KPNA6: variants seen among roughly 807,000 people sequenced by gnomAD.
The protein encoded by KPNA6 is importin subunit alpha-7.
In KPNA6, 9 loss-of-function variants were observed where a neutral mutation model predicts 72.0. The ratio of observed to expected loss-of-function variants is 0.13; its 90% CI spans 0.08 to 0.22. The LOEUF (loss-of-function observed/expected upper bound fraction) is 0.22, where lower values mean the gene tolerates loss of function less well. KPNA6 is among the 10% of genes least tolerant of loss of function. The pLI is 1.00. For missense variants in KPNA6, 374 were observed against 655.7 expected, an observed-to-expected ratio of 0.57 and a Z score of 4.69; for synonymous variants, 219 against 242.1, an observed-to-expected ratio of 0.90 and a Z score of 0.89.
At chr1:32,116,177 T>C (rs1641324694) in intron 1 of KPNA6, among the ~76,000 whole-genome samples, 1 of 149,768 alleles carries the variant, frequency 6.7e-6, no homozygotes, top group Non-Finnish European at 1.5e-5. Flanking sequence ...AGGCTGTTTT[T>C]TCTTTTCTTT....
chr1:32,146,358 T>C (rs2124032220), intron 1 of KPNA6, among the ~76,000 whole-genome samples: 1 of 152,340 alleles, frequency 6.6e-6, no homozygotes, highest in Middle Eastern at 3.4e-3. Context: ...GTCCTTTCTT[T>C]TTGGTAACAG....
At chr1:32,108,278 C>T (rs1023752191) in intron 1 of KPNA6, 144 bp downstream of exon 1, 16 of 1,222,350 alleles carry the variant, frequency 1.3e-5, no homozygotes, top group Admixed American at 2.0e-5. Flanking sequence ...CCGGGAGTGC[C>T]CCTCTTGCCA....
At chr1:32,150,089 T>C (rs1194830069) in intron 1 of KPNA6, among the ~76,000 whole-genome samples, 7 of 151,766 alleles carry the variant, frequency 4.6e-5, no homozygotes, top group Admixed American at 3.9e-4. Context: ...TAGCATAGCT[T>C]TTAGGGTTAA....
chr1:32,128,950 T>C (rs916668254), intron 1 of KPNA6, among the ~76,000 whole-genome samples: 1 of 152,146 alleles, frequency 6.6e-6, no homozygotes, highest in Non-Finnish European at 1.5e-5. Context: ...GTATGAAAAT[T>C]AAGATACAGA....
At chr1:32,163,082 C>T (rs1038655165) in intron 9 of KPNA6, among the ~76,000 whole-genome samples, 153 bp from the exon 10 acceptor site, 37 of 148,776 alleles carry the variant, frequency 2.5e-4, no homozygotes, top group Admixed American at 6.7e-4. Flanking sequence ...CTAGCCTGGG[C>T]GACAGAGCGA....
intron 1 of KPNA6, among the ~76,000 whole-genome samples, chr1:32,109,548 T>A (rs1224742341): frequency 6.6e-6 from 1 of 152,098 alleles, no homozygotes; most frequent in African/African-American, 2.4e-5. Flanking sequence ...GGAAAAAAGC[T>A]TTTAACCCTA....
intron 1 of KPNA6, among the ~76,000 whole-genome samples, chr1:32,140,640 ATTC>A (rs1641820593): frequency 1.3e-5 from 2 of 152,208 alleles, no homozygotes; most frequent in Non-Finnish European, 2.9e-5. Context: ...TAGTTCGGCT[ATTC>A]TTGAGAACTG....
intron 1 of KPNA6, among the ~76,000 whole-genome samples, chr1:32,151,222 T>G (rs1284195141): frequency 1.3e-5 from 2 of 152,264 alleles, no homozygotes; most frequent in East Asian, 3.9e-4. Flanking sequence ...GTAAGGCTCG[T>G]TTTTAAGCTT....
At chr1:32,144,814 CTAATTTTGTATTTTTA>C (rs1039579533) in intron 1 of KPNA6, among the ~76,000 whole-genome samples, 3 of 152,062 alleles carry the variant, frequency 2.0e-5, no homozygotes, top group Non-Finnish European at 4.4e-5. Flanking sequence ...CCATGCCCAG[CTAATTTTGTATTTTTA>C]GTAGAGATGG....
chr1:32,117,613 G>A (rs1194742957), intron 1 of KPNA6, among the ~76,000 whole-genome samples: 1 of 152,166 alleles, frequency 6.6e-6, no homozygotes. Context: ...AACATAGTGA[G>A]ACCCTGTCTC....
chr1:32,166,754 C>T (rs1400350838), intron 11 of KPNA6, among the ~76,000 whole-genome samples: 1 of 146,696 alleles, frequency 6.8e-6, no homozygotes, highest in African/African-American at 2.5e-5. Flanking sequence ...GTGGTGAAAC[C>T]ATGTCTCTTC....
chr1:32,147,664 T>C (rs934845849), intron 1 of KPNA6, among the ~76,000 whole-genome samples: 5 of 140,014 alleles, frequency 3.6e-5, no homozygotes, highest in African/African-American at 1.3e-4. Flanking sequence ...TTTTTTTTTT[T>C]TTTTTTTTTT....
At chr1:32,126,850 A>G (rs189194982) in intron 1 of KPNA6, among the ~76,000 whole-genome samples, 24 of 152,290 alleles carry the variant, frequency 1.6e-4, no homozygotes, top group Admixed American at 1.5e-3. Context: ...GAATGGAAGG[A>G]TAAAGATTAA....
intron 1 of KPNA6, among the ~76,000 whole-genome samples, chr1:32,135,654 G>A (rs1177371303): frequency 1.3e-5 from 2 of 148,846 alleles, no homozygotes; most frequent in Non-Finnish European, 3.0e-5. Context: ...TTTTTTTAGA[G>A]GCAGGGTCTA....
At chr1:32,166,977 A>G (rs1642351359) in intron 11 of KPNA6, among the ~76,000 whole-genome samples, 192 bp from the exon 12 acceptor site, 1 of 152,132 alleles carries the variant, frequency 6.6e-6, no homozygotes, top group African/African-American at 2.4e-5. Context: ...GTCAGTGTGT[A>G]CTATTGGTCA....
At position 32,162,037 on chromosome 1, in the gene KPNA6, G is replaced by C; in HGVS notation, c.738G>C (p.Glu246Asp). 6.2e-7 allele frequency: 1 copy of C among 1,613,628 alleles called. No homozygotes were observed. Among genetic ancestry groups the C allele is most frequent in the Non-Finnish European group, 8.5e-7 (1 of 1,179,642 alleles). ...GCCGAGGGAAAAACCCACCCCCAGA[G>C]TTTGCAAAGGTGAGAGAGCTACTTA... ...NLCRGKNPPP[E>D]FAKVSPCLPV... Residue 246 changes from glutamate (E) to aspartate (D), a missense_variant, in exon 8 of 14, where the codon GAG (glutamate) becomes GAC (aspartate). This residue lies in a region of KPNA6 where 298 missense variants were observed against 495.4 expected (regional missense o/e 0.60). Coordinates refer to ENST00000373625, the MANE Select transcript of KPNA6 (RefSeq NM_012316.5).
chr1:32,163,229 C>G lies in KPNA6; in HGVS notation c.912-6C>G, dbSNP rs372881653. 2 of 1,607,260 alleles carry G rather than the reference C, an allele frequency of 1.2e-6. No individual in the cohort carries two copies. Among genetic ancestry groups the G allele is most frequent in the Non-Finnish European group, 8.5e-7 (1 of 1,174,156 alleles). On this transcript the variant is annotated splice_region_variant and splice_polypyrimidine_tract_variant and intron_variant, in intron 9 of 13. Coordinates refer to ENST00000373625, the MANE Select transcript of KPNA6 (RefSeq NM_012316.5). ...GGCCTTCTGATCAGATCTCCCTCCTCTGTAGGCACAATGATTACAAAGTGG... is the reference window on the plus strand; with the variant it reads ...GGCCTTCTGATCAGATCTCCCTCCTGTGTAGGCACAATGATTACAAAGTGG...
rs768774866 is a variant in KPNA6 at position 32,162,001 on chromosome 1, G to C, written c.702G>C (p.Leu234=). 4 of 1,614,036 alleles carry C rather than the reference G, an allele frequency of 2.5e-6. No homozygotes were observed. In the South Asian group the frequency reaches 4.4e-5, roughly 18 times the overall value. The part of the protein sequence containing the change: ...LTMTRNAVWA[L]SNLCRGKNPP... ...TGACACGGAATGCAGTCTGGGCCCTGTCAAATCTCTGCCGAGGGAAAAACC... is the reference window on the plus strand; with the variant it reads ...TGACACGGAATGCAGTCTGGGCCCTCTCAAATCTCTGCCGAGGGAAAAACC... Residue 234 remains leucine (L), a synonymous_variant, in exon 8 of 14, where the codon CTG becomes CTC. Transcript: ENST00000373625.
At position 32,175,121 on chromosome 1, in the gene KPNA6, G is replaced by A. The variant is rs568706569; in HGVS notation, c.*4227G>A. 2 of 152,350 alleles carry A rather than the reference G, an allele frequency of 1.3e-5. No homozygotes were observed. Among genetic ancestry groups the A allele is most frequent in the South Asian group, 2.1e-4 (1 of 4,830 alleles). 9.4% of individuals were successfully genotyped at this position (152,350 alleles called of 1,614,324 possible). A position where few individuals can be genotyped will look rare whatever the true frequency, so the allele number is the denominator to read the frequency against. ...AGACCGTGGCAAAGGAAGAACTTGA[G>A]GTCAAGACCAACCAAATCTGTGAAT... On this transcript the variant is annotated 3_prime_UTR_variant, in exon 14 of 14. Transcript: ENST00000373625.
Sources: allele counts gnomAD v4.1 joint callset (sites outside exome capture counted in the v4.1 genomes callset), GRCh38; gene constraint gnomAD v4.1.1; regional missense constraint gnomAD v4.1.1; transcripts MANE v1.5; gene names NCBI Gene and HGNC (gene_info 2026-07-23, HGNC 2026-07-21).